INTS1: variants seen among roughly 807,000 people sequenced by gnomAD.
INTS1 encodes the protein integrator complex subunit 1.
INTS1 carries 137 observed loss-of-function variants against 241.6 expected under a neutral mutation model. The observed-to-expected ratio is 0.57, with a 90% confidence interval of 0.49 to 0.65. INTS1 has a LOEUF of 0.65. Among genes scored for constraint, INTS1 ranks in the 30% least tolerant of loss-of-function variants. The pLI is 0.00. For synonymous variants in INTS1, 1,692 were observed against 1,337.8 expected, an observed-to-expected ratio of 1.26 and a Z score of -5.78; for missense variants, 3,073 against 3,032.2, an observed-to-expected ratio of 1.01 and a Z score of -0.32.
chr7:1,479,756 G>A lies in INTS1; in HGVS notation c.4075-72C>T, dbSNP rs368478696. ...GAGGAGCGCAGCGGAGAGGCTAAGCGCCCGGTGCAGCTCCGTGCCAGAACC... is the reference window on the plus strand; with the variant it reads ...GAGGAGCGCAGCGGAGAGGCTAAGCACCCGGTGCAGCTCCGTGCCAGAACC... On this transcript the variant is annotated intron_variant, in intron 30 of 47. Coordinates refer to ENST00000404767, the MANE Select transcript of INTS1 (RefSeq NM_001080453.3). 8.6e-5 allele frequency: 120 copies of A among 1,395,198 alleles called. 2 individuals are homozygous for A. In the East Asian group the frequency reaches 1.5e-3, roughly 17 times the overall value. 86.4% of individuals were successfully genotyped at this position (1,395,198 alleles called of 1,614,324 possible).
chr7:1,487,703 C>T (rs764738215), intron 19 of INTS1, 57 bp downstream of exon 19: 12 of 1,587,314 alleles, frequency 7.6e-6, no homozygotes, highest in Middle Eastern at 1.8e-4. Flanking sequence ...CCCACCCACA[C>T]CAACCACCCA....
At position 1,470,966 on chromosome 7, in the gene INTS1, C is replaced by G; in HGVS notation, c.6348-11G>C. 1 of 1,552,274 alleles carries G rather than the reference C, an allele frequency of 6.4e-7. No individual in the cohort carries two copies. Among genetic ancestry groups the G allele is most frequent in the Non-Finnish European group, 8.7e-7 (1 of 1,147,948 alleles). Reference sequence around the variant, plus strand: ...AAAGCGGCTGCAATGCTGAAAGACCCACACACTTCAGTGGGAACCTCCACC... The same window carrying G: ...AAAGCGGCTGCAATGCTGAAAGACCGACACACTTCAGTGGGAACCTCCACC... On this transcript the variant is annotated splice_polypyrimidine_tract_variant and intron_variant, in intron 46 of 47. Transcript: ENST00000404767.
At chr7:1,500,493 A>T (rs1783120234) in intron 3 of INTS1, 127 bp from the exon 4 acceptor site, 1 of 1,073,320 alleles carries the variant, frequency 9.3e-7, no homozygotes, top group Admixed American at 2.8e-5. Context: ...CCAGCGATCC[A>T]CCCTCAGCAA....
chr7:1,502,432 T>G (rs1037848083), intron 3 of INTS1, among the ~76,000 whole-genome samples: 12 of 152,198 alleles, frequency 7.9e-5, no homozygotes, highest in African/African-American at 2.7e-4. Context: ...CTTACTGTTC[T>G]GCTGCTTTTC....
rs56838254 is a variant in INTS1 at position 1,502,798 on chromosome 7, C to T, written c.349+103G>A. 2.6e-3 allele frequency: 3,274 copies of T among 1,278,566 alleles called. 32 individuals are homozygous for T. Among genetic ancestry groups the T allele is most frequent in the African/African-American group, 0.024 (1,641 of 67,110 alleles). 79.2% of individuals were successfully genotyped at this position (1,278,566 alleles called of 1,614,324 possible). A position where few individuals can be genotyped will look rare whatever the true frequency, so the allele number is the denominator to read the frequency against. On this transcript the variant is annotated intron_variant, in intron 3 of 47. Coordinates refer to ENST00000404767, the MANE Select transcript of INTS1 (RefSeq NM_001080453.3). ...AAACATCCGCTCTCCCAAAGGACCTCGGCCATACGGGCAGCACTAGGCCTG... is the reference window on the plus strand; with the variant it reads ...AAACATCCGCTCTCCCAAAGGACCTTGGCCATACGGGCAGCACTAGGCCTG...
chr7:1,482,636 G>C lies in INTS1; in HGVS notation c.3613C>G (p.Leu1205Val). The C allele has an allele frequency of 6.2e-7, 1 of 1,612,860 alleles. No homozygotes were observed. Among genetic ancestry groups the C allele is most frequent in the Non-Finnish European group, 8.5e-7 (1 of 1,179,838 alleles). Residue 1205 changes from leucine (L) to valine (V), a missense_variant, in exon 27 of 48, where the codon CTG becomes GTG. Leu to Val is a conservative substitution (Grantham distance 32, BLOSUM62 1). Transcript: ENST00000404767. ...AGCGCCTCCTCCGATGTGTCCACCA[G>C]GAAGGCGGTGGGCAGTGGCTTCTCC... ...PEEKPLPTAF[L>V]VDTSEEALLL...
rs541301340 is a variant in INTS1, at chr7:1,473,002, C to A, written c.6070+70G>T. On this transcript the variant is annotated intron_variant, in intron 43 of 47. Transcript: ENST00000404767. ...CTCGGACGGCCCAGGGCTGGCTGTG[C>A]GCTGGGAAAACCAGGCCCTGTAGGA... 1,579 of 1,045,606 alleles carry A rather than the reference C, an allele frequency of 1.5e-3. 31 individuals carry two copies. In the South Asian group the frequency reaches 0.023, roughly 15 times the overall value. 64.8% of individuals were successfully genotyped at this position (1,045,606 alleles called of 1,614,324 possible). A position where few individuals can be genotyped will look rare whatever the true frequency, so the allele number is the denominator to read the frequency against.
intron 22 of INTS1, among the ~76,000 whole-genome samples, chr7:1,485,745 G>T (rs548655292): frequency 6.6e-6 from 1 of 152,230 alleles, no homozygotes; most frequent in African/African-American, 2.4e-5. Flanking sequence ...TTTCACTAGC[G>T]CATCCTTCCT....
intron 41 of INTS1, 79 bp from the exon 42 acceptor site, chr7:1,473,772 G>A (rs1006611172): frequency 6.4e-6 from 10 of 1,560,774 alleles, no homozygotes; most frequent in Non-Finnish European, 8.7e-6. Flanking sequence ...TCTGCTCCCA[G>A]AGCCTCAGGG....
intron 18 of INTS1, 47 bp downstream of exon 18, chr7:1,489,297 G>C (rs1039842829): frequency 6.3e-7 from 1 of 1,576,484 alleles, no homozygotes; most frequent in Non-Finnish European, 8.6e-7. Flanking sequence ...AACGAGACCA[G>C]GCCCTGCTCC....
In INTS1 at chr7:1,481,743, C is replaced by G. The variant is rs1169786785; in HGVS notation, c.3704-255G>C. Among the ~76,000 whole-genome samples the G allele has an allele frequency of 6.7e-6, 1 of 148,788 alleles. No individual in the cohort carries two copies. The highest frequency in any genetic ancestry group is 1.5e-5 in the Non-Finnish European group (1 of 67,080). The stretch of plus-strand genomic sequence containing the variant: ...CACACTCGGCAGCCCCACCCGAGAC[C>G]TGGGGCAGTGCACACTCGGCAGCCC... On this transcript the variant is annotated intron_variant, in intron 27 of 47. Transcript: ENST00000404767. This position sits in a 1 kb window ranked among gnomAD's most constrained non-coding sequence, Gnocchi z 6.8.
intron 9 of INTS1, 37 bp from the exon 10 acceptor site, chr7:1,498,590 C>T (rs754661115): frequency 1.3e-5 from 21 of 1,600,700 alleles, no homozygotes; most frequent in Middle Eastern, 2.0e-4. Flanking sequence ...GTCCCCGCTA[C>T]GCCTGTGCCC....
In INTS1 at chr7:1,493,411, G is replaced by T. The variant is rs751077091; in HGVS notation, c.2069-305C>A. Among the ~76,000 whole-genome samples the T allele has an allele frequency of 2.0e-5, 3 of 152,162 alleles. No individual in the cohort carries two copies. Among genetic ancestry groups the T allele is most frequent in the South Asian group, 4.1e-4 (2 of 4,830 alleles). The stretch of plus-strand genomic sequence containing the variant: ...CCGCAAGCCCTCGGGGCAGAGCCAC[G>T]GACGAGGCGCGAGCTGGATTTACAA... On this transcript the variant is annotated intron_variant, in intron 15 of 47. Coordinates refer to ENST00000404767, the MANE Select transcript of INTS1 (RefSeq NM_001080453.3). This position sits in a 1 kb window ranked among gnomAD's most constrained non-coding sequence, Gnocchi z 5.3.
At chr7:1,477,109 C>T (rs1029346155) in intron 35 of INTS1, among the ~76,000 whole-genome samples, 191 bp from the exon 36 acceptor site, 3 of 152,242 alleles carry the variant, frequency 2.0e-5, no homozygotes, top group African/African-American at 7.2e-5. Flanking sequence ...CCCCTTCCCA[C>T]GGGAGCCATG....
chr7:1,502,489 A>G (rs7806171), intron 3 of INTS1, among the ~76,000 whole-genome samples: 75,725 of 151,318 alleles, frequency 0.5, 19,687 homozygotes, highest in East Asian at 0.7. Context: ...GGTAACCAGG[A>G]GGGAAGGAGG....
At position 1,499,519 on chromosome 7, in the gene INTS1, C is replaced by G. The variant is rs1315433332; in HGVS notation, c.798G>C (p.Val266=). The change falls in exon 6 of 48, where the codon GTG becomes GTC. Residue 266 remains valine (V), a synonymous_variant. Transcript: ENST00000404767. The part of the protein sequence containing the change: ...AFNTRMPPRS[V]LLQGEAGRVA... ...CGCGGCCCGCCTCCCCCTGCAGCAG[C>G]ACGCTCCTGGGGGGCATTCTGGTGT... The G allele has an allele frequency of 6.2e-7, 1 of 1,612,176 alleles. No individual in the cohort carries two copies. The highest frequency in any genetic ancestry group is 8.5e-7 in the Non-Finnish European group (1 of 1,179,188).
At chr7:1,498,663 C>G in intron 9 of INTS1, 44 bp downstream of exon 9, 1 of 1,538,698 alleles carries the variant, frequency 6.5e-7, no homozygotes, top group Non-Finnish European at 8.7e-7. Context: ...CACCCACACC[C>G]CCACTCCACC....
intron 20 of INTS1, 80 bp downstream of exon 20, chr7:1,487,240 T>C: frequency 6.6e-7 from 1 of 1,525,434 alleles, no homozygotes. Context: ...TGTCCTGCCC[T>C]CTTCTGGCCA....
intron 43 of INTS1, among the ~76,000 whole-genome samples, chr7:1,472,680 C>T (rs1414611859): frequency 6.6e-6 from 1 of 152,216 alleles, no homozygotes; most frequent in African/African-American, 2.4e-5. Context: ...CTTCCGGCGG[C>T]ACAGGAGAGA....
Sources: allele counts gnomAD v4.1 joint callset (sites outside exome capture counted in the v4.1 genomes callset), GRCh38; gene constraint gnomAD v4.1.1; non-coding constraint Gnocchi (gnomAD v3.1); transcripts MANE v1.5; gene names NCBI Gene and HGNC (gene_info 2026-07-23, HGNC 2026-07-21).